TTC28: variants seen among roughly 807,000 people sequenced by gnomAD.
TTC28 encodes the protein tetratricopeptide repeat protein 28.
In TTC28, 61 loss-of-function variants were observed where a neutral mutation model predicts 198.0. The ratio of observed to expected loss-of-function variants is 0.31; its 90% CI spans 0.25 to 0.38. The LOEUF (loss-of-function observed/expected upper bound fraction) is 0.38, where lower values mean the gene tolerates loss of function less well. TTC28 is among the 10% of genes least tolerant of loss of function. The pLI, the probability that TTC28 is intolerant of heterozygous loss-of-function variation, is 1.00. For synonymous variants in TTC28, 1,171 were observed against 1,297.8 expected, an observed-to-expected ratio of 0.90 and a Z score of 2.10; for missense variants, 2,678 against 3,164.0, an observed-to-expected ratio of 0.85 and a Z score of 3.69.
intron 6 of TTC28, among the ~76,000 whole-genome samples, chr22:28,144,647 G>A (rs1943420881): frequency 6.6e-6 from 1 of 152,178 alleles, no homozygotes; most frequent in Non-Finnish European, 1.5e-5. Context: ...ACCATTTACT[G>A]AGGGCTTGCT....
intron 14 of TTC28, among the ~76,000 whole-genome samples, chr22:28,004,662 T>C (rs1937861306): frequency 6.6e-6 from 1 of 152,108 alleles, no homozygotes; most frequent in South Asian, 2.1e-4. Context: ...ATGTGTGGGC[T>C]TGTGGGGAGA....
At chr22:28,472,487 AT>A (rs1163354616) in intron 2 of TTC28, among the ~76,000 whole-genome samples, 1 of 151,404 alleles carries the variant, frequency 6.6e-6, no homozygotes, top group African/African-American at 2.4e-5. Context: ...AGATTATTGA[AT>A]TATACATTTT....
intron 5 of TTC28, among the ~76,000 whole-genome samples, chr22:28,175,386 A>C (rs1923067258): frequency 1.3e-5 from 2 of 152,224 alleles, no homozygotes; most frequent in South Asian, 4.1e-4. Flanking sequence ...AATATCCAGA[A>C]TATTTAAGGA....
chr22:28,185,896 T>G (rs928537821), intron 5 of TTC28, among the ~76,000 whole-genome samples: 2 of 152,162 alleles, frequency 1.3e-5, no homozygotes, highest in African/African-American at 4.8e-5. Context: ...AATCCAGGCC[T>G]ACCTGACTGC....
At chr22:28,285,887 A>G (rs2044675279) in intron 5 of TTC28, among the ~76,000 whole-genome samples, 1 of 151,938 alleles carries the variant, frequency 6.6e-6, no homozygotes, top group Non-Finnish European at 1.5e-5. Context: ...AACCCAAAAA[A>G]CTCCCTGAAT....
chr22:28,366,440 C>T (rs999241369), intron 2 of TTC28, among the ~76,000 whole-genome samples: 10 of 152,164 alleles, frequency 6.6e-5, no homozygotes, highest in African/African-American at 2.4e-4. Flanking sequence ...TAATCCTTGT[C>T]CCTACTTTCT....
At chr22:28,407,037 T>C (rs913389737) in intron 2 of TTC28, among the ~76,000 whole-genome samples, 9 of 152,188 alleles carry the variant, frequency 5.9e-5, no homozygotes, top group Non-Finnish European at 1.2e-4. Flanking sequence ...AAAGCAGTAA[T>C]TATAAAAGGA....
chr22:28,279,878 A>G (rs2044551123), intron 5 of TTC28, among the ~76,000 whole-genome samples: 1 of 152,254 alleles, frequency 6.6e-6, no homozygotes, highest in African/African-American at 2.4e-5. Flanking sequence ...ATGGAATTAT[A>G]AAGTATGTCC....
chr22:28,187,314 A>G (rs1345292463), intron 5 of TTC28, among the ~76,000 whole-genome samples: 3 of 152,254 alleles, frequency 2.0e-5, no homozygotes, highest in African/African-American at 7.2e-5. Flanking sequence ...AATTTGTCAT[A>G]AATGTTAAAG....
At chr22:28,417,513 ATT>A (rs1404578394) in intron 2 of TTC28, among the ~76,000 whole-genome samples, 1 of 152,014 alleles carries the variant, frequency 6.6e-6, no homozygotes, top group Non-Finnish European at 1.5e-5. Flanking sequence ...AAATCACTGT[ATT>A]CTATGTTGGA....
intron 14 of TTC28, chr22:28,001,851 G>C (rs995702883): frequency 7.5e-6 from 3 of 400,508 alleles, no homozygotes; most frequent in Non-Finnish European, 1.4e-5. Flanking sequence ...GTTGGAGACC[G>C]GTCTGTACCG....
At chr22:28,058,900 A>C (rs900993369) in intron 12 of TTC28, among the ~76,000 whole-genome samples, 6 of 152,012 alleles carry the variant, frequency 3.9e-5, no homozygotes, top group African/African-American at 1.4e-4. Flanking sequence ...AGTTGTTCAT[A>C]GTATTCTCTT....
intron 2 of TTC28, among the ~76,000 whole-genome samples, chr22:28,626,462 T>C (rs2051078037): frequency 6.6e-6 from 1 of 151,926 alleles, no homozygotes; most frequent in African/African-American, 2.4e-5. Flanking sequence ...CAAAGCATTA[T>C]AATAAAAAGC....
intron 13 of TTC28, among the ~76,000 whole-genome samples, chr22:28,016,362 C>T (rs555610893): frequency 4.6e-5 from 7 of 152,338 alleles, no homozygotes; most frequent in East Asian, 3.9e-4. Flanking sequence ...CCCGAGGAGA[C>T]GCTTTGGCAT....
chr22:28,030,935 GGAAACGCAAA>G (rs1939049285), intron 12 of TTC28, among the ~76,000 whole-genome samples: 2 of 152,226 alleles, frequency 1.3e-5, no homozygotes, highest in Non-Finnish European at 2.9e-5. Flanking sequence ...AGGCACCGCT[GGAAACGCAAA>G]CTTGAGAACT....
At chr22:28,556,881 T>C (rs1335178197) in intron 2 of TTC28, among the ~76,000 whole-genome samples, 2 of 152,218 alleles carry the variant, frequency 1.3e-5, no homozygotes, top group Admixed American at 1.3e-4. Flanking sequence ...GGCTTTTCCA[T>C]GGGTTGCCTG....
At chr22:28,675,774 C>CAA (rs2051975586) in intron 1 of TTC28, among the ~76,000 whole-genome samples, 1 of 150,276 alleles carries the variant, frequency 6.7e-6, no homozygotes, top group African/African-American at 2.5e-5. Flanking sequence ...CACACACACA[C>CAA]AATGTAAAAA....
At chr22:27,988,800 C>A (rs1305956997) in intron 21 of TTC28, among the ~76,000 whole-genome samples, 1 of 152,100 alleles carries the variant, frequency 6.6e-6, no homozygotes, top group South Asian at 2.1e-4. Context: ...GGCACTTTCT[C>A]CTGCAAACAT....
rs695486 is a variant in TTC28 at position 28,460,824 on chromosome 22, C to T, written c.382-154181G>A. Among the ~76,000 whole-genome samples the T allele has an allele frequency of 1.9e-3, 292 of 152,218 alleles. 2 individuals are homozygous for T. The highest frequency in any genetic ancestry group is 6.5e-3 in the African/African-American group (269 of 41,520). ...TCAGCCTCCTGAGTGGCTGGGACCA[C>T]AGGTGTGCATCACCACACCTGACTA... On this transcript the variant is annotated intron_variant, in intron 2 of 22. Coordinates refer to ENST00000397906, the MANE Select transcript of TTC28 (RefSeq NM_001145418.2).
Sources: gnomAD v4.1 joint callset for allele counts (sites outside exome capture counted in the v4.1 genomes callset) on GRCh38, gnomAD v4.1.1 for gene constraint, MANE v1.5 for transcripts, NCBI Gene and HGNC (gene_info 2026-07-23, HGNC 2026-07-21) for gene names.